WDR1: variants seen among roughly 807,000 people sequenced by gnomAD.
WDR1 encodes the protein WD repeat domain 1.
A neutral mutation model predicts 71.9 loss-of-function variants in WDR1; 21 were observed. The observed-to-expected ratio is 0.29, with a 90% CI of 0.21 to 0.42. The LOEUF is 0.42. Among genes scored for constraint, WDR1 ranks in the 10% least tolerant of loss-of-function variants. The pLI is 1.00. For missense variants in WDR1, 696 were observed against 824.5 expected (o/e 0.84, Z 1.91); for synonymous variants, 424 against 347.4 (o/e 1.22, Z -2.45).
chr4:10,098,961 G>T (rs749894491), intron 4 of WDR1, 31 bp downstream of exon 4: 1 of 1,613,436 alleles, frequency 6.2e-7, no homozygotes, highest in South Asian at 1.1e-5. Flanking sequence ...CACAGCAACA[G>T]GGCAGGGAGG....
At position 10,114,226 on chromosome 4, in the gene WDR1, A is replaced by G. The variant is rs76947036; in HGVS notation, c.138+1887T>C. Reference sequence around the variant, plus strand: ...AAACTTAAAAATAATTGAGAAGGGAAACAGGGTAACCCCTGAGAAGAAAAT... The same window carrying G: ...AAACTTAAAAATAATTGAGAAGGGAGACAGGGTAACCCCTGAGAAGAAAAT... On this transcript the variant is annotated intron_variant, in intron 2 of 14. Coordinates refer to ENST00000499869, the MANE Select transcript of WDR1 (RefSeq NM_017491.5). Among the ~76,000 whole-genome samples, 602 of 152,328 alleles carry G rather than the reference A, an allele frequency of 4.0e-3. 6 individuals are homozygous for G. Among genetic ancestry groups the G allele is most frequent in the African/African-American group, 0.014 (564 of 41,566 alleles).
rs773521221 is a variant in WDR1, at chr4:10,077,921, G to A, written c.1401C>T (p.Gly467=). The change falls in exon 13 of 15, where the codon GGC becomes GGT. Residue 467 remains glycine, a synonymous_variant. Coordinates refer to ENST00000499869, the MANE Select transcript of WDR1 (RefSeq NM_017491.5). ...CCAGGATGGAATACAGGCGGACGTT[G>A]CCGTCCTACGGCAGGGACAGAGAGG... is the stretch of plus-strand genomic sequence containing the variant. ...GDTVAIGGVD[G]NVRLYSILGT... 5 of 1,603,994 alleles carry A rather than the reference G, an allele frequency of 3.1e-6. No individual in the cohort carries two copies.
At chr4:10,090,578 A>G (rs1711903680) in intron 5 of WDR1, among the ~76,000 whole-genome samples, 1 of 152,100 alleles carries the variant, frequency 6.6e-6, no homozygotes, top group Non-Finnish European at 1.5e-5. Flanking sequence ...AGATTAAACC[A>G]TTTCCTCCAG....
At chr4:10,113,164 G>A (rs1419027760) in intron 2 of WDR1, among the ~76,000 whole-genome samples, 2 of 152,200 alleles carry the variant, frequency 1.3e-5, no homozygotes, top group Non-Finnish European at 2.9e-5. Flanking sequence ...TTCAAGATCA[G>A]CCTGGCCAAC....
chr4:10,099,242 C>T (rs2109679799), intron 3 of WDR1, 103 bp from the exon 4 acceptor site: 3 of 963,808 alleles, frequency 3.1e-6, no homozygotes, highest in African/African-American at 1.6e-5. Context: ...TGGCCATAGG[C>T]CCACTCAGAA....
chr4:10,106,734 T>TTGTATTCTAAATACAACTGGGTCAG (rs1713042804), intron 2 of WDR1, among the ~76,000 whole-genome samples: 1 of 152,220 alleles, frequency 6.6e-6, no homozygotes, highest in Non-Finnish European at 1.5e-5. Context: ...TCACTCTCGT[T>TTGTATTCTAAATACAACTGGGTCAG]TGTATTCTAA....
intron 3 of WDR1, among the ~76,000 whole-genome samples, chr4:10,102,636 C>T (rs532103141): frequency 6.6e-6 from 1 of 152,196 alleles, no homozygotes; most frequent in East Asian, 1.9e-4. Context: ...CGTAAATTAC[C>T]CAGCCTGTGA....
In WDR1 at chr4:10,077,448, C is replaced by T; in HGVS notation, c.1570G>A (p.Glu524Lys). The stretch of plus-strand genomic sequence containing the variant: ...TGGTGTCCATAAAAAACATTGTTCT[C>T]CTAGTTGCAGGTTGAAAACAAGAGA... ...TVFSVADGYSENNVFYGHHAK... is the reference protein window; with the variant it reads ...TVFSVADGYSKNNVFYGHHAK... Residue 524 changes from glutamate (E) to lysine (K), a missense_variant and splice_region_variant, in exon 14 of 15, where the codon GAG becomes AAG. Physicochemically the swap from Glu to Lys is moderately conservative, Grantham distance 56. Coordinates refer to ENST00000499869, the MANE Select transcript of WDR1 (RefSeq NM_017491.5). 6.2e-7 allele frequency: 1 copy of T among 1,613,958 alleles called. No individual in the cohort carries two copies. Among genetic ancestry groups the T allele is most frequent in the South Asian group, 1.1e-5 (1 of 91,084 alleles).
intron 2 of WDR1, among the ~76,000 whole-genome samples, chr4:10,112,150 T>C (rs185272434): frequency 1.3e-5 from 2 of 152,130 alleles, no homozygotes; most frequent in Non-Finnish European, 2.9e-5. Flanking sequence ...CCGTGCCCTG[T>C]TTAGAATCAC....
At chr4:10,092,522 C>CGTA in intron 5 of WDR1, 4 of 156,942 alleles carry the variant, frequency 2.5e-5, no homozygotes, top group South Asian at 3.8e-4. Flanking sequence ...TCATGTGTCC[C>CGTA]TCCCTGGCCC....
At chr4:10,095,389 C>T (rs1482919590) in intron 5 of WDR1, among the ~76,000 whole-genome samples, 2 of 152,168 alleles carry the variant, frequency 1.3e-5, no homozygotes, top group Non-Finnish European at 2.9e-5. Flanking sequence ...CCAGGCTTTC[C>T]GACCACATCA....
chr4:10,107,452 G>A (rs1045027855), intron 2 of WDR1, among the ~76,000 whole-genome samples: 1 of 152,152 alleles, frequency 6.6e-6, no homozygotes, highest in African/African-American at 2.4e-5. Context: ...TCACGGTCCG[G>A]CTTGCAACCC....
At chr4:10,079,178 G>A (rs1764917659) in intron 11 of WDR1, among the ~76,000 whole-genome samples, 177 bp from the exon 12 acceptor site, 1 of 152,224 alleles carries the variant, frequency 6.6e-6, no homozygotes, top group South Asian at 2.1e-4. Flanking sequence ...TGTCCCGTTT[G>A]ACAGTTGCTC....
intron 5 of WDR1, among the ~76,000 whole-genome samples, chr4:10,090,719 C>A (rs910995143): frequency 2.6e-5 from 4 of 152,238 alleles, no homozygotes; most frequent in African/African-American, 9.6e-5. Context: ...GATCTCCCAC[C>A]TCATTGACCC....
At chr4:10,111,552 C>G (rs1352706475) in intron 2 of WDR1, among the ~76,000 whole-genome samples, 1 of 152,176 alleles carries the variant, frequency 6.6e-6, no homozygotes, top group Non-Finnish European at 1.5e-5. Flanking sequence ...TTATTTCACT[C>G]CCACCCAGGA....
At chr4:10,114,095 G>T (rs1334684676) in intron 2 of WDR1, among the ~76,000 whole-genome samples, 1 of 151,986 alleles carries the variant, frequency 6.6e-6, no homozygotes, top group Non-Finnish European at 1.5e-5. Flanking sequence ...ACCTTTACTT[G>T]AGTACCCAGT....
chr4:10,082,205 C>G (rs3756230), intron 10 of WDR1, among the ~76,000 whole-genome samples: 28,419 of 152,186 alleles, frequency 0.19, 2,933 homozygotes, highest in Middle Eastern at 0.24. Flanking sequence ...CCTACAGATG[C>G]CCAGTCTGCC....
intron 8 of WDR1, 102 bp from the exon 9 acceptor site, chr4:10,084,632 A>G: frequency 9.3e-7 from 1 of 1,076,344 alleles, no homozygotes. Flanking sequence ...GAGGGGGCAG[A>G]CGCCCCTCAA....
At chr4:10,088,213 T>C (rs1711710554) in intron 7 of WDR1, 80 bp downstream of exon 7, 2 of 1,368,762 alleles carry the variant, frequency 1.5e-6, no homozygotes, top group African/African-American at 1.4e-5. Context: ...TTTGTCTAAC[T>C]CCGGAGTGAG....
Sources: gnomAD v4.1 joint callset for allele counts (sites outside exome capture counted in the v4.1 genomes callset) on GRCh38, gnomAD v4.1.1 for gene constraint, MANE v1.5 for transcripts, NCBI Gene and HGNC (gene_info 2026-07-23, HGNC 2026-07-21) for gene names.